Variants in PCDHGB1 observed in about 807,000 individuals in gnomAD.
PCDHGB1 encodes the protein protocadherin gamma-B1.
A neutral mutation model predicts 56.6 loss-of-function variants in PCDHGB1; 34 were observed. That is an observed-to-expected ratio of 0.60 (90% CI 0.46 to 0.80). The LOEUF (loss-of-function observed/expected upper bound fraction) is 0.80, where lower values mean the gene tolerates loss of function less well. Among genes scored for constraint, PCDHGB1 ranks in the 30% least tolerant of loss-of-function variants. PCDHGB1 has a pLI of 0.00. For missense variants in PCDHGB1, 1,278 were observed against 1,204.6 expected (o/e 1.06, Z -0.90); for synonymous variants, 561 against 505.9 (o/e 1.11, Z -1.46).
In PCDHGB1 at chr5:141,489,120, G is replaced by C; in HGVS notation, c.2410-5687G>C. The C allele has an allele frequency of 1.1e-5, 5 of 445,662 alleles. No homozygotes were observed. Among genetic ancestry groups the C allele is most frequent in the East Asian group, 3.8e-5 (1 of 26,010 alleles). The allele number at this position is 445,662 out of a possible 1,614,324, so 27.6% of individuals were successfully genotyped here. ...AACTGCTGCAAGCAGGCAAACCTCC[G>C]AGCAGTTTTTAAGAGGCTGGAAGGA... On this transcript the variant is annotated intron_variant, in intron 1 of 3. Transcript: ENST00000523390. This position sits in a 1 kb window ranked among gnomAD's most constrained non-coding sequence, Gnocchi z 4.5.
chr5:141,435,686 T>C (rs2097774326), intron 1 of PCDHGB1, among the ~76,000 whole-genome samples: 1 of 152,340 alleles, frequency 6.6e-6, no homozygotes, highest in Non-Finnish European at 1.5e-5. Flanking sequence ...GAGAACTTTA[T>C]GCTTATTGTA....
rs1410460145 is a variant in PCDHGB1 at position 141,490,798 on chromosome 5, C to T, written c.2410-4009C>T. On this transcript the variant is annotated intron_variant, in intron 1 of 3. Coordinates refer to ENST00000523390, the MANE Select transcript of PCDHGB1 (RefSeq NM_018922.3). The surrounding 1 kb of genome is among the most constrained non-coding windows in gnomAD (Gnocchi z 5.4). The stretch of plus-strand genomic sequence containing the variant: ...AGAGGATGGACGGATCTTTGCCCAG[C>T]GTACCTTTGACTATGAATTGCTGCA... 9.3e-6 allele frequency: 15 copies of T among 1,613,808 alleles called. No individual in the cohort carries two copies. Among genetic ancestry groups the T allele is most frequent in the Admixed American group, 6.7e-5 (4 of 60,002 alleles).
chr5:141,400,133 C>T, intron 1 of PCDHGB1: 1 of 1,614,066 alleles, frequency 6.2e-7, no homozygotes, highest in Non-Finnish European at 8.5e-7. Context: ...GAGGTGCTGC[C>T]GGATATCACT....
chr5:141,447,389 C>T (rs1467715872), intron 1 of PCDHGB1, among the ~76,000 whole-genome samples: 1 of 152,150 alleles, frequency 6.6e-6, no homozygotes, highest in African/African-American at 2.4e-5. Context: ...CTGCCCACCT[C>T]GGCCTCCCAA....
At position 141,366,621 on chromosome 5, in the gene PCDHGB1, G is replaced by A. The variant is rs773330182; in HGVS notation, c.2409+13952G>A. 5.6e-6 allele frequency: 9 copies of A among 1,614,110 alleles called. No individual in the cohort carries two copies. The African/African-American group carries it at 8.0e-5, about 14-fold the overall frequency. On this transcript the variant is annotated intron_variant, in intron 1 of 3. Transcript: ENST00000523390. ...GAGGTCTCCCTCACCGCGGACTCGA[G>A]GAAGAGTCACCTGATCTTTCCCCAG...
chr5:141,432,343 G>C lies in PCDHGB1; in HGVS notation c.2410-62464G>C, dbSNP rs1174646711. 3 of 1,614,130 alleles carry C rather than the reference G, an allele frequency of 1.9e-6. No homozygotes were observed. On this transcript the variant is annotated intron_variant, in intron 1 of 3. Coordinates refer to ENST00000523390, the MANE Select transcript of PCDHGB1 (RefSeq NM_018922.3). This position sits in a 1 kb window ranked among gnomAD's most constrained non-coding sequence, Gnocchi z 6.0. ...TCGACTACGAGCAGTTCCGAGACTTGCAAGTGAAAGTGATGGCGCGGGACA... is the reference window on the plus strand; with the variant it reads ...TCGACTACGAGCAGTTCCGAGACTTCCAAGTGAAAGTGATGGCGCGGGACA...
intron 1 of PCDHGB1, chr5:141,475,845 G>C: frequency 4.5e-6 from 2 of 448,002 alleles, no homozygotes; most frequent in Non-Finnish European, 7.9e-6. Context: ...TGCTCAGAGA[G>C]CCCGGCGCTA....
intron 1 of PCDHGB1, chr5:141,362,530 C>G (rs769795967): frequency 6.2e-7 from 1 of 1,613,818 alleles, no homozygotes; most frequent in Non-Finnish European, 8.5e-7. Context: ...CGCTGGGGTC[C>G]CTTTTGCCTC....
chr5:141,509,900 C>T (rs2099878860), intron 3 of PCDHGB1, among the ~76,000 whole-genome samples: 1 of 152,186 alleles, frequency 6.6e-6, no homozygotes, highest in Admixed American at 6.5e-5. Context: ...CTGTCCCTTC[C>T]AGCATGCGCT....
At chr5:141,449,156 G>T (rs4432943) in intron 1 of PCDHGB1, among the ~76,000 whole-genome samples, 84,481 of 151,978 alleles carry the variant, frequency 0.56, 26,202 homozygotes, top group African/African-American at 0.85. Context: ...GGTCAAAGAG[G>T]AAATAGGTGT....
intron 1 of PCDHGB1, chr5:141,384,060 A>G (rs1453253478): frequency 6.2e-7 from 1 of 1,609,266 alleles, no homozygotes; most frequent in Non-Finnish European, 8.5e-7. Context: ...GCACCATTCC[A>G]GAAAACCTAC....
intron 1 of PCDHGB1, among the ~76,000 whole-genome samples, chr5:141,456,297 A>G (rs537379475): frequency 6.6e-6 from 1 of 152,274 alleles, no homozygotes; most frequent in African/African-American, 2.4e-5. Context: ...CGTCTAATGG[A>G]GAACAGCAGC....
intron 1 of PCDHGB1, among the ~76,000 whole-genome samples, chr5:141,386,902 G>A (rs2090736648): frequency 6.6e-6 from 1 of 152,206 alleles, no homozygotes; most frequent in Non-Finnish European, 1.5e-5. Flanking sequence ...TCAATTCAGA[G>A]GTCACCAAGG....
intron 1 of PCDHGB1, chr5:141,419,779 G>A (rs1439735185): frequency 1.2e-6 from 2 of 1,614,064 alleles, no homozygotes; most frequent in Non-Finnish European, 8.5e-7. Flanking sequence ...CGGTCCGCCA[G>A]CGCCTGCTAG....
Position 141,364,897 on chromosome 5 carries a change from A to C in PCDHGB1, c.2409+12228A>C, listed in dbSNP as rs780576369. 45 of 1,613,852 alleles carry C rather than the reference A, an allele frequency of 2.8e-5. No homozygotes were observed. In the Admixed American group the frequency reaches 3.2e-4, roughly 11 times the overall value. ...ATGTGGTAAGCGGAACTGATGGACA[A>C]AAGTATCCGGAGCTGGTGTTGGAAC... On this transcript the variant is annotated intron_variant, in intron 1 of 3. Transcript: ENST00000523390.
At chr5:141,359,613 G>A (rs960150614) in intron 1 of PCDHGB1, among the ~76,000 whole-genome samples, 5 of 151,718 alleles carry the variant, frequency 3.3e-5, no homozygotes, top group Non-Finnish European at 5.9e-5. Flanking sequence ...GCAGAATATG[G>A]TATGTTGTAT....
At position 141,365,599 on chromosome 5, in the gene PCDHGB1, C is replaced by G. The variant is rs368039042; in HGVS notation, c.2409+12930C>G. On this transcript the variant is annotated intron_variant, in intron 1 of 3. Transcript: ENST00000523390. ...CTTCAGATTATAATATCACTTTAAC[C>G]GTCATGGACCATGGAACCCCGCCCC... is the stretch of plus-strand genomic sequence containing the variant. 1.4e-4 allele frequency: 222 copies of G among 1,613,638 alleles called. 2 individuals carry two copies. In the South Asian group the frequency reaches 2.3e-3, roughly 17 times the overall value.
At position 141,350,947 on chromosome 5, in the gene PCDHGB1, TACGGATGCCAATGATA is replaced by T; in HGVS notation, c.689_704del (p.Thr230MetfsTer27). The T allele has an allele frequency of 6.2e-7, 1 of 1,614,070 alleles. No homozygotes were observed. The highest frequency in any genetic ancestry group is 1.1e-5 in the South Asian group (1 of 91,092). The stretch of plus-strand genomic sequence containing the variant: ...GCACCACCCATATCTGGATCCGAGT[TACGGATGCCAATGATA>T]ATGCTCCCGTGTTTAGCCAGGAGGT... On this transcript the variant is annotated frameshift_variant, in exon 1 of 4. Coordinates refer to ENST00000523390, the MANE Select transcript of PCDHGB1 (RefSeq NM_018922.3). LOFTEE classifies it high-confidence loss of function.
chr5:141,388,395 C>G (rs1445370262), intron 1 of PCDHGB1: 2 of 1,613,810 alleles, frequency 1.2e-6, no homozygotes, highest in Non-Finnish European at 8.5e-7. Flanking sequence ...GCAGAATTAC[C>G]AACTCAGTCC....
Sources: allele counts gnomAD v4.1 joint callset (sites outside exome capture counted in the v4.1 genomes callset), GRCh38; gene constraint gnomAD v4.1.1; non-coding constraint Gnocchi (gnomAD v3.1); transcripts MANE v1.5; gene names NCBI Gene and HGNC (gene_info 2026-07-23, HGNC 2026-07-21).